The following LYPLAL1 variants were observed in gnomAD, a reference collection of about 807,000 sequenced individuals.
LYPLAL1 encodes lysophospholipase like 1, also known as lysophospholipase-like protein 1.
LYPLAL1 carries 23 observed loss-of-function variants against 19.7 expected under a neutral mutation model. The ratio of observed to expected loss-of-function variants is 1.17; its 90% CI spans 0.84 to 1.65. LYPLAL1 has a LOEUF of 1.65. LYPLAL1 is among the 40% of genes most tolerant of loss of function. The pLI is 0.00. For synonymous variants in LYPLAL1, 119 were observed against 96.3 expected, an observed-to-expected ratio of 1.24 and a Z score of -1.38; for missense variants, 355 against 279.4, an observed-to-expected ratio of 1.27 and a Z score of -1.93.
At chr1:219,412,924 C>CT in the LYPLAL1 span, among the ~76,000 whole-genome samples, 1 of 152,120 alleles carries the variant, frequency 6.6e-6, no homozygotes, top group African/African-American at 2.4e-5. Context: ...ATTACATTTG[C>CT]TTTTTTTAAA....
chr1:219,348,929 T>C, the LYPLAL1 span, among the ~76,000 whole-genome samples: 2 of 152,220 alleles, frequency 1.3e-5, no homozygotes, highest in Non-Finnish European at 2.9e-5. Flanking sequence ...ATCTCTAATA[T>C]AAAGGCAATC....
At chr1:219,276,120 C>G in the LYPLAL1 span, among the ~76,000 whole-genome samples, 1 of 152,158 alleles carries the variant, frequency 6.6e-6, no homozygotes, top group Non-Finnish European at 1.5e-5. Context: ...GAGGTAATTT[C>G]CAAATCAATT....
At chr1:219,219,435 T>A in the LYPLAL1 span, among the ~76,000 whole-genome samples, 2 of 152,174 alleles carry the variant, frequency 1.3e-5, no homozygotes, top group African/African-American at 4.8e-5. Context: ...AGTTAACACT[T>A]GTTAGGCCAC....
chr1:219,422,168 T>G, the LYPLAL1 span, among the ~76,000 whole-genome samples: 2 of 152,218 alleles, frequency 1.3e-5, no homozygotes, highest in Admixed American at 6.5e-5. Flanking sequence ...AAAAGGGCAA[T>G]TAGTAAATTG....
chr1:219,255,885 AGT>A, the LYPLAL1 span, among the ~76,000 whole-genome samples: 1 of 151,850 alleles, frequency 6.6e-6, no homozygotes, highest in Non-Finnish European at 1.5e-5. Flanking sequence ...TTTTTCTTTT[AGT>A]GTGATGTTAC....
chr1:219,312,499 C>A, the LYPLAL1 span, among the ~76,000 whole-genome samples: 131 of 152,182 alleles, frequency 8.6e-4, 1 homozygote, highest in African/African-American at 2.3e-3. Context: ...TACAGGCAGA[C>A]CCCTGGGGAA....
chr1:219,357,220 G>A, the LYPLAL1 span, among the ~76,000 whole-genome samples: 1 of 152,056 alleles, frequency 6.6e-6, no homozygotes, highest in African/African-American at 2.4e-5. Flanking sequence ...AGTAAAGCTG[G>A]TGTTCTCAGA....
chr1:219,304,145 A>G, the LYPLAL1 span, among the ~76,000 whole-genome samples: 1 of 152,122 alleles, frequency 6.6e-6, no homozygotes. Context: ...CCCATATGAT[A>G]TTTGCCAGAT....
At chr1:219,226,679 C>T in the LYPLAL1 span, among the ~76,000 whole-genome samples, 1 of 151,888 alleles carries the variant, frequency 6.6e-6, no homozygotes, top group African/African-American at 2.4e-5. Context: ...TGCTGTGGTA[C>T]TCTGATATCT....
chr1:219,220,391 AGGCC>A, the LYPLAL1 span, among the ~76,000 whole-genome samples: 695 of 152,278 alleles, frequency 4.6e-3, 5 homozygotes, highest in South Asian at 0.023. Flanking sequence ...CATATCAAGC[AGGCC>A]AGCCATCTAC....
chr1:219,210,462 A>G (rs1462210181), intron 3 of LYPLAL1, 70 bp from the exon 4 acceptor site: 2 of 1,061,306 alleles, frequency 1.9e-6, no homozygotes, highest in African/African-American at 1.6e-5. Flanking sequence ...AAAATATGGA[A>G]AATTGTTATA....
At chr1:219,299,394 A>G in the LYPLAL1 span, among the ~76,000 whole-genome samples, 1 of 152,360 alleles carries the variant, frequency 6.6e-6, no homozygotes, top group South Asian at 2.1e-4. Flanking sequence ...GAAAGTTTAA[A>G]AAAAGAAGGT....
chr1:219,257,833 C>G, the LYPLAL1 span, among the ~76,000 whole-genome samples: 3 of 151,902 alleles, frequency 2.0e-5, no homozygotes, highest in Non-Finnish European at 2.9e-5. Flanking sequence ...GGGGTTTTTC[C>G]TCACCCTAGC....
chr1:219,239,609 T>G, the LYPLAL1 span, among the ~76,000 whole-genome samples: 1 of 152,216 alleles, frequency 6.6e-6, no homozygotes, highest in Non-Finnish European at 1.5e-5. Context: ...TTAAACATAA[T>G]TAGATCTAAA....
At chr1:219,387,592 C>T in the LYPLAL1 span, among the ~76,000 whole-genome samples, 3 of 152,120 alleles carry the variant, frequency 2.0e-5, no homozygotes, top group Admixed American at 6.6e-5. Context: ...TTCGTTCATC[C>T]AACATAGAGA....
the LYPLAL1 span, among the ~76,000 whole-genome samples, chr1:219,265,170 G>A: frequency 6.6e-6 from 1 of 152,134 alleles, no homozygotes; most frequent in Non-Finnish European, 1.5e-5. Context: ...TGGTCCTGGG[G>A]TATATATAGC....
At chr1:219,356,813 A>AATATTAGT in the LYPLAL1 span, among the ~76,000 whole-genome samples, 1 of 152,236 alleles carries the variant, frequency 6.6e-6, no homozygotes, top group Non-Finnish European at 1.5e-5. Context: ...TAATTACATT[A>AATATTAGT]AAACCCACTA....
the LYPLAL1 span, among the ~76,000 whole-genome samples, chr1:219,417,464 T>C: frequency 6.6e-6 from 1 of 152,256 alleles, no homozygotes; most frequent in Admixed American, 6.5e-5. Context: ...CTTTGAGGGC[T>C]ATCATTCTAA....
chr1:219,418,508 G>A, the LYPLAL1 span, among the ~76,000 whole-genome samples: 410 of 152,270 alleles, frequency 2.7e-3, 10 homozygotes, highest in East Asian at 0.06. Context: ...GCAGTGTTGG[G>A]TTAACAGCAA....
Sources: gnomAD v4.1 joint callset for allele counts (sites outside exome capture counted in the v4.1 genomes callset) on GRCh38, gnomAD v4.1.1 for gene constraint, MANE v1.5 for transcripts, NCBI Gene and HGNC (gene_info 2026-07-23, HGNC 2026-07-21) for gene names.